Variants in ANXA8 observed in about 807,000 individuals in gnomAD.
The protein encoded by ANXA8 is annexin A8.
ANXA8 carries 9 observed loss-of-function variants against 26.8 expected under a neutral mutation model. That is an observed-to-expected ratio of 0.34 (90% CI 0.20 to 0.59). The LOEUF (loss-of-function observed/expected upper bound fraction) is 0.59, where lower values mean the gene tolerates loss of function less well. Ranked by LOEUF, ANXA8 falls within the 20% of genes least tolerant of loss-of-function variation. ANXA8 has a pLI of 0.84. For synonymous variants in ANXA8, 39 were observed against 94.8 expected, an observed-to-expected ratio of 0.41 and a Z score of 3.42; for missense variants, 83 against 238.5, an observed-to-expected ratio of 0.35 and a Z score of 4.29.
the ANXA8 span, among the ~76,000 whole-genome samples, chr10:47,663,241 G>A: frequency 2.7e-5 from 4 of 148,730 alleles, no homozygotes; most frequent in East Asian, 7.7e-4. Flanking sequence ...GTGGTTTAGA[G>A]ATGTTTCTGT....
chr10:47,648,025 C>T, the ANXA8 span, among the ~76,000 whole-genome samples: 41 of 151,974 alleles, frequency 2.7e-4, no homozygotes, highest in African/African-American at 8.2e-4. Flanking sequence ...TGAGCTGAGG[C>T]TAGACCTCTG....
upstream of ANXA8, chr10:47,484,603 T>C: frequency 1.1e-6 from 1 of 920,856 alleles, no homozygotes; most frequent in Non-Finnish European, 1.6e-6. Context: ...AGGCTGACTC[T>C]GGCTCCTGCC....
At chr10:47,686,161 G>A in the ANXA8 span, among the ~76,000 whole-genome samples, 2 of 151,330 alleles carry the variant, frequency 1.3e-5, no homozygotes, top group South Asian at 4.2e-4. Context: ...TGGTTGAACT[G>A]CCCCAGGCTT....
upstream of ANXA8, among the ~76,000 whole-genome samples, chr10:47,488,430 C>T (rs1159517849): frequency 2.0e-3 from 286 of 145,214 alleles, 1 homozygote; most frequent in African/African-American, 6.8e-3. Flanking sequence ...AGGCTGGTCT[C>T]GAACTCCTGA....
the ANXA8 span, among the ~76,000 whole-genome samples, chr10:47,930,078 TTTTG>T: frequency 1.3e-5 from 2 of 152,176 alleles, no homozygotes; most frequent in African/African-American, 2.4e-5. Flanking sequence ...CTCTGCTATC[TTTTG>T]AACAGGCTAA....
At chr10:47,666,211 C>T in the ANXA8 span, among the ~76,000 whole-genome samples, 1 of 147,710 alleles carries the variant, frequency 6.8e-6, no homozygotes, top group African/African-American at 2.6e-5. Flanking sequence ...CCCCGCCTCC[C>T]ACTTTTTTGT....
chr10:47,971,319 A>G, the ANXA8 span, among the ~76,000 whole-genome samples: 2 of 151,238 alleles, frequency 1.3e-5, no homozygotes, highest in Non-Finnish European at 3.0e-5. Flanking sequence ...AAGGAAGGGG[A>G]GAGAGGAGAT....
the ANXA8 span, among the ~76,000 whole-genome samples, chr10:47,941,877 A>T: frequency 4.1e-4 from 60 of 147,654 alleles, 4 homozygotes; most frequent in Non-Finnish European, 6.7e-4. Flanking sequence ...GGGAGTCTAT[A>T]TTTGATTGTA....
At chr10:47,680,401 G>A in the ANXA8 span, among the ~76,000 whole-genome samples, 2 of 151,890 alleles carry the variant, frequency 1.3e-5, no homozygotes, top group East Asian at 3.8e-4. Flanking sequence ...TTGGGAGTCT[G>A]CGGTGGGTGG....
the ANXA8 span, among the ~76,000 whole-genome samples, chr10:47,619,771 C>T: frequency 8.8e-6 from 1 of 113,632 alleles, no homozygotes; most frequent in Non-Finnish European, 2.0e-5. Flanking sequence ...AATAATAAAC[C>T]ACAGTGCTTG....
the ANXA8 span, among the ~76,000 whole-genome samples, chr10:47,628,173 G>T: frequency 1.9e-3 from 286 of 149,762 alleles, no homozygotes; most frequent in African/African-American, 6.8e-3. Flanking sequence ...GTTCAAGTGG[G>T]GACAGAAGTA....
chr10:47,719,183 G>A, the ANXA8 span, among the ~76,000 whole-genome samples: 6 of 133,820 alleles, frequency 4.5e-5, no homozygotes, highest in African/African-American at 8.4e-5. Context: ...TTTTTGAGAC[G>A]GAGTCTCGCT....
At chr10:47,645,604 C>T in the ANXA8 span, among the ~76,000 whole-genome samples, 10 of 151,564 alleles carry the variant, frequency 6.6e-5, no homozygotes, top group African/African-American at 2.2e-4. Context: ...TTAACAAAGA[C>T]GTGAATTGTC....
chr10:47,703,307 C>T, the ANXA8 span, among the ~76,000 whole-genome samples: 2 of 151,598 alleles, frequency 1.3e-5, no homozygotes, highest in Non-Finnish European at 1.5e-5. Flanking sequence ...GTGGTTCATG[C>T]CTATAATCCC....
the ANXA8 span, among the ~76,000 whole-genome samples, chr10:47,548,863 T>G: frequency 6.6e-6 from 1 of 152,186 alleles, no homozygotes; most frequent in East Asian, 1.9e-4. Context: ...TATTTCATCT[T>G]ATGTAAACTA....
the ANXA8 span, among the ~76,000 whole-genome samples, chr10:47,495,932 G>C: frequency 5.3e-4 from 81 of 151,720 alleles, no homozygotes; most frequent in Non-Finnish European, 9.0e-4. Context: ...TGAAGAAGGA[G>C]CAGGTGGTGC....
the ANXA8 span, among the ~76,000 whole-genome samples, chr10:47,667,806 C>T: frequency 6.6e-6 from 1 of 151,932 alleles, no homozygotes; most frequent in African/African-American, 2.4e-5. Context: ...GGTGCGATCT[C>T]GGTTCACTGT....
upstream of ANXA8, among the ~76,000 whole-genome samples, chr10:47,486,999 A>AACAAAAACAAAC (rs1840061344): frequency 2.7e-5 from 4 of 149,480 alleles, no homozygotes; most frequent in East Asian, 2.0e-4. Context: ...CAAAAACAAA[A>AACAAAAACAAAC]AAACAAAGTA....
the ANXA8 span, among the ~76,000 whole-genome samples, chr10:47,489,840 G>A: frequency 7.2e-6 from 1 of 138,126 alleles, no homozygotes; most frequent in Non-Finnish European, 1.5e-5. Flanking sequence ...ATACATCCCT[G>A]GGCATCCTAG....
Sources: gnomAD v4.1 joint callset for allele counts (sites outside exome capture counted in the v4.1 genomes callset) on GRCh38, gnomAD v4.1.1 for gene constraint, MANE v1.5 for transcripts, NCBI Gene and HGNC (gene_info 2026-07-23, HGNC 2026-07-21) for gene names.